MYO3B: variants seen among roughly 807,000 people sequenced by gnomAD.
The protein encoded by MYO3B is myosin-IIIb.
A neutral mutation model predicts 174.6 loss-of-function variants in MYO3B; 156 were observed. The ratio of observed to expected loss-of-function variants is 0.89; its 90% CI spans 0.78 to 1.02. The LOEUF is 1.02. Ranked by LOEUF, MYO3B falls within the 50% of genes least tolerant of loss-of-function variation. The pLI is 0.00. For synonymous variants in MYO3B, 563 were observed against 569.1 expected, an observed-to-expected ratio of 0.99 and a Z score of 0.15; for missense variants, 1,632 against 1,639.4, an observed-to-expected ratio of 1.00 and a Z score of 0.08.
intron 7 of MYO3B, among the ~76,000 whole-genome samples, chr2:170,255,186 C>T (rs1479633643): frequency 6.6e-6 from 1 of 152,182 alleles, no homozygotes; most frequent in Non-Finnish European, 1.5e-5. Context: ...TGTGACCTAA[C>T]CTTTGGCTTG....
intron 22 of MYO3B, 49 bp downstream of exon 22, chr2:170,407,893 CA>C (rs1558971790): frequency 6.2e-7 from 1 of 1,608,172 alleles, no homozygotes; most frequent in South Asian, 1.1e-5. Flanking sequence ...TTTGCAAGAC[CA>C]GGTGAAATTT....
At position 170,217,376 on chromosome 2, in the gene MYO3B, C is replaced by T. The variant is rs771659580; in HGVS notation, c.584C>T (p.Pro195Leu). Reference sequence around the variant, plus strand: ...CGGAGAAACACATCTGTTGGCACCCCGTTCTGGATGGCCCCTGAGGTAAGC... The same window carrying T: ...CGGAGAAACACATCTGTTGGCACCCTGTTCTGGATGGCCCCTGAGGTAAGC... ...RLRRNTSVGT[P>L]FWMAPEVIAC... The change falls in exon 6 of 35, where the codon CCG (proline) becomes CTG (leucine). Residue 195 changes from proline to leucine, a missense_variant. Coordinates refer to ENST00000408978, the MANE Select transcript of MYO3B (RefSeq NM_138995.5). 5 of 1,614,064 alleles carry T rather than the reference C, an allele frequency of 3.1e-6. No individual in the cohort carries two copies. The Admixed American group carries it at 6.7e-5, about 22-fold the overall frequency.
chr2:170,225,848 C>G (rs2105392844), intron 6 of MYO3B, among the ~76,000 whole-genome samples: 1 of 152,314 alleles, frequency 6.6e-6, no homozygotes, highest in East Asian at 1.9e-4. Context: ...TGTACTGCAA[C>G]TGTTCAGGGC....
chr2:170,454,801 GT>G (rs981194367), intron 23 of MYO3B, among the ~76,000 whole-genome samples: 10 of 152,198 alleles, frequency 6.6e-5, no homozygotes, highest in Non-Finnish European at 1.3e-4. Context: ...GGAGACCAGA[GT>G]TTTTTTTATT....
intron 8 of MYO3B, among the ~76,000 whole-genome samples, chr2:170,362,430 G>A (rs544541201): frequency 1.3e-5 from 2 of 152,244 alleles, no homozygotes; most frequent in African/African-American, 4.8e-5. Context: ...CCTTGCCCCA[G>A]GATCTCTGGC....
chr2:170,329,679 C>G (rs373246454), intron 7 of MYO3B, among the ~76,000 whole-genome samples: 140 of 151,992 alleles, frequency 9.2e-4, no homozygotes, highest in African/African-American at 3.1e-3. Context: ...CAGGGGTGAG[C>G]CACCATGCCC....
intron 24 of MYO3B, 55 bp from the exon 25 acceptor site, chr2:170,466,451 A>C: frequency 6.5e-7 from 1 of 1,548,596 alleles, no homozygotes; most frequent in East Asian, 2.3e-5. Flanking sequence ...CTGTGTTGTA[A>C]CTATCCATTG....
intron 3 of MYO3B, among the ~76,000 whole-genome samples, chr2:170,202,201 A>G (rs1397556036): frequency 6.6e-6 from 1 of 152,208 alleles, no homozygotes; most frequent in Non-Finnish European, 1.5e-5. Flanking sequence ...ACCTGTTTCT[A>G]GCTTTTTCAG....
chr2:170,250,838 C>T (rs1056147377), intron 7 of MYO3B, among the ~76,000 whole-genome samples: 2 of 151,842 alleles, frequency 1.3e-5, no homozygotes, highest in East Asian at 2.0e-4. Flanking sequence ...GGCTGTCTAG[C>T]GGCCGACTCT....
rs550060375 is a variant in MYO3B at position 170,407,430 on chromosome 2, C to T, written c.2521-285C>T. ...GAGCCAAGATCATGCCACTGCACTCCGGCCTGGGTGACAGAGTAAGACTCC... is the reference window on the plus strand; with the variant it reads ...GAGCCAAGATCATGCCACTGCACTCTGGCCTGGGTGACAGAGTAAGACTCC... On this transcript the variant is annotated intron_variant, in intron 21 of 34. Coordinates refer to ENST00000408978, the MANE Select transcript of MYO3B (RefSeq NM_138995.5). Among the ~76,000 whole-genome samples, 5 of 152,026 alleles carry T rather than the reference C, an allele frequency of 3.3e-5. 1 individual carries two copies. Among genetic ancestry groups the T allele is most frequent in the South Asian group, 4.2e-4 (2 of 4,810 alleles).
At chr2:170,443,830 A>C in intron 22 of MYO3B, 137 bp from the exon 23 acceptor site, 2 of 394,628 alleles carry the variant, frequency 5.1e-6, no homozygotes. Flanking sequence ...AAGTGTCAAA[A>C]TTTTCCAAAT....
intron 25 of MYO3B, among the ~76,000 whole-genome samples, chr2:170,475,916 A>T (rs536913121): frequency 6.6e-6 from 1 of 152,338 alleles, no homozygotes; most frequent in East Asian, 1.9e-4. Flanking sequence ...CTTCTGCAAG[A>T]GCATCTACTT....
At chr2:170,651,540 A>G in intron 32 of MYO3B, 88 bp from the exon 33 acceptor site, 1 of 982,858 alleles carries the variant, frequency 1.0e-6, no homozygotes, top group Admixed American at 1.8e-5. Context: ...CACAGTTTCT[A>G]CTAAGTGCAT....
At position 170,501,801 on chromosome 2, in the gene MYO3B, T is replaced by A. The variant is rs187935815; in HGVS notation, c.3306T>A (p.Asp1102Glu). The change falls in exon 28 of 35, where the codon GAT (aspartate) becomes GAA (glutamate). Residue 1102 changes from aspartate to glutamate, a missense_variant. Coordinates refer to ENST00000408978, the MANE Select transcript of MYO3B (RefSeq NM_138995.5). ...IAIQSAWRGY[D>E]ARRKFKKISN... The stretch of plus-strand genomic sequence containing the variant: ...TATTTTTAGCCTGGAGAGGATATGA[T>A]GCTCGGAGGAAATTTAAGAAAATAA... 169 of 1,611,820 alleles carry A rather than the reference T, an allele frequency of 1.0e-4. No individual in the cohort carries two copies. In the African/African-American group the frequency reaches 2.1e-3, roughly 20 times the overall value.
Position 170,493,589 on chromosome 2 carries a change from C to T in MYO3B, c.3015-5003C>T, listed in dbSNP as rs1007755077. ...ATACGTCTACAAATTATTTGATATT[C>T]CTCCCTTCATTCCTCTCCTATTGAA... is the stretch of plus-strand genomic sequence containing the variant. On this transcript the variant is annotated intron_variant, in intron 25 of 34. Transcript: ENST00000408978. Among the ~76,000 whole-genome samples, 21 of 152,092 alleles carry T rather than the reference C, an allele frequency of 1.4e-4. No homozygotes were observed. The East Asian group carries it at 4.1e-3, about 29-fold the overall frequency.
intron 6 of MYO3B, among the ~76,000 whole-genome samples, chr2:170,231,216 T>C (rs2093012523): frequency 6.6e-6 from 1 of 152,168 alleles, no homozygotes; most frequent in Non-Finnish European, 1.5e-5. Context: ...TGGGGGTAGA[T>C]TTAAGGAGTC....
At chr2:170,416,209 A>T (rs959392489) in intron 22 of MYO3B, among the ~76,000 whole-genome samples, 1 of 152,144 alleles carries the variant, frequency 6.6e-6, no homozygotes, top group East Asian at 1.9e-4. Context: ...TGCCTCATAC[A>T]GCCCAACAGC....
intron 30 of MYO3B, among the ~76,000 whole-genome samples, chr2:170,539,886 T>C (rs1689974502): frequency 6.6e-6 from 1 of 152,066 alleles, no homozygotes; most frequent in South Asian, 2.1e-4. Flanking sequence ...CCTCCCGAAG[T>C]GCTAGGATAC....
At chr2:170,254,501 C>T (rs758826931) in intron 7 of MYO3B, among the ~76,000 whole-genome samples, 13 of 152,182 alleles carry the variant, frequency 8.5e-5, no homozygotes, top group African/African-American at 2.4e-4. Flanking sequence ...TGCCTGGCTG[C>T]TCCCACAAGA....
Sources: gnomAD v4.1 joint callset for allele counts (sites outside exome capture counted in the v4.1 genomes callset) on GRCh38, gnomAD v4.1.1 for gene constraint, MANE v1.5 for transcripts, NCBI Gene and HGNC (gene_info 2026-07-23, HGNC 2026-07-21) for gene names.